IL1RAPL1: variants seen among roughly 807,000 people sequenced by gnomAD.
The protein encoded by IL1RAPL1 is interleukin 1 receptor accessory protein like 1.
IL1RAPL1 carries 3 observed loss-of-function variants against 48.4 expected under a neutral mutation model. The observed-to-expected ratio is 0.06, with a 90% confidence interval of 0.03 to 0.16. IL1RAPL1 has a LOEUF of 0.16. Among genes scored for constraint, IL1RAPL1 ranks in the 10% least tolerant of loss-of-function variants. IL1RAPL1 has a pLI of 1.00. For synonymous variants in IL1RAPL1, 185 were observed against 187.7 expected (o/e 0.99, Z 0.12); for missense variants, 349 against 530.6 (o/e 0.66, Z 3.36).
intron 2 of IL1RAPL1, among the ~76,000 whole-genome samples, chrX:29,030,694 T>C (rs1211860493): frequency 9.0e-6 from 1 of 111,517 alleles, no homozygotes; most frequent in African/African-American, 3.3e-5. Context: ...AATAAAGGGC[T>C]TTGGCAAAGA....
chrX:29,832,847 G>A (rs756213376), intron 6 of IL1RAPL1, among the ~76,000 whole-genome samples: 1 of 109,219 alleles, frequency 9.2e-6, no homozygotes, highest in South Asian at 4.0e-4. Context: ...AATATCTGTT[G>A]GCTTTGATGT....
At chrX:29,076,929 A>T (rs888482939) in intron 2 of IL1RAPL1, among the ~76,000 whole-genome samples, 5 of 111,861 alleles carry the variant, frequency 4.5e-5, no homozygotes, top group African/African-American at 9.8e-5. Context: ...GATTTGGAAA[A>T]ACTTCATGGA....
At chrX:29,009,148 G>T (rs752818383) in intron 2 of IL1RAPL1, among the ~76,000 whole-genome samples, 2 of 111,949 alleles carry the variant, frequency 1.8e-5, no homozygotes, top group Non-Finnish European at 3.8e-5. Flanking sequence ...CTAAACATTG[G>T]GTACACATAG....
intron 6 of IL1RAPL1, among the ~76,000 whole-genome samples, chrX:29,742,687 C>T (rs1216645039): frequency 9.0e-6 from 1 of 111,601 alleles, no homozygotes; most frequent in Non-Finnish European, 1.9e-5. Flanking sequence ...ACCAATGAAA[C>T]ATACGGGTTG....
chrX:29,449,738 TACACACACACACACACAC>T (rs539577442), intron 5 of IL1RAPL1, among the ~76,000 whole-genome samples: 1 of 63,924 alleles, frequency 1.6e-5, no homozygotes, highest in African/African-American at 6.2e-5. Context: ...TACATATGCA[TACACACACACACACACAC>T]ACACACACAC....
chrX:29,077,189 C>T (rs1927696588), intron 2 of IL1RAPL1, among the ~76,000 whole-genome samples: 1 of 112,302 alleles, frequency 8.9e-6, no homozygotes, highest in Non-Finnish European at 1.9e-5. Flanking sequence ...CGATTTTGGG[C>T]AGTTACACAA....
intron 1 of IL1RAPL1, among the ~76,000 whole-genome samples, chrX:28,607,482 G>A (rs1333952740): frequency 9.0e-6 from 1 of 110,675 alleles, no homozygotes; most frequent in African/African-American, 3.3e-5. Context: ...GGATGGTCAG[G>A]TAGTCACCAC....
At chrX:29,080,323 G>A (rs1443000246) in intron 2 of IL1RAPL1, among the ~76,000 whole-genome samples, 1 of 110,023 alleles carries the variant, frequency 9.1e-6, no homozygotes. Flanking sequence ...AGGTTGCAGT[G>A]AGCCGTATTT....
intron 1 of IL1RAPL1, among the ~76,000 whole-genome samples, chrX:28,597,894 C>T (rs1437636239): frequency 9.3e-6 from 1 of 107,888 alleles, no homozygotes; most frequent in Non-Finnish European, 1.9e-5. Flanking sequence ...AGAAAGTTGC[C>T]ACACACTGTA....
At chrX:29,580,355 A>G (rs766915037) in intron 5 of IL1RAPL1, among the ~76,000 whole-genome samples, 12 of 111,333 alleles carry the variant, frequency 1.1e-4, no homozygotes, top group Non-Finnish European at 1.9e-4. Flanking sequence ...CACTAACTTG[A>G]ATACATTTTA....
At chrX:29,678,660 G>T (rs1340641367) in intron 6 of IL1RAPL1, among the ~76,000 whole-genome samples, 1 of 109,384 alleles carries the variant, frequency 9.1e-6, no homozygotes, top group Admixed American at 9.8e-5. Flanking sequence ...GAGCCACCGC[G>T]CCCGGCCAAC....
chrX:28,995,043 T>G (rs1483394947), intron 2 of IL1RAPL1, among the ~76,000 whole-genome samples: 1 of 111,314 alleles, frequency 9.0e-6, no homozygotes, highest in East Asian at 2.8e-4. Context: ...GGGAATTGAC[T>G]ACTAAACACT....
intron 2 of IL1RAPL1, among the ~76,000 whole-genome samples, chrX:28,959,544 ATTAT>A (rs1289740476): frequency 8.9e-6 from 1 of 111,822 alleles, no homozygotes; most frequent in Non-Finnish European, 1.9e-5. Flanking sequence ...ATAATTCCAA[ATTAT>A]TTAGCAATTC....
intron 6 of IL1RAPL1, among the ~76,000 whole-genome samples, chrX:29,697,561 C>T (rs1162615411): frequency 9.0e-6 from 1 of 111,180 alleles, no homozygotes; most frequent in African/African-American, 3.3e-5. Flanking sequence ...AAAGTTGGTC[C>T]AATAAAATGA....
At chrX:28,598,319 T>C (rs1933979973) in intron 1 of IL1RAPL1, among the ~76,000 whole-genome samples, 2 of 112,009 alleles carry the variant, frequency 1.8e-5, no homozygotes, top group African/African-American at 6.5e-5. Context: ...TTAAATTATT[T>C]TTCTTATCAA....
At chrX:28,869,259 A>C (rs1355097473) in intron 2 of IL1RAPL1, among the ~76,000 whole-genome samples, 1 of 112,438 alleles carries the variant, frequency 8.9e-6, no homozygotes, top group Non-Finnish European at 1.9e-5. Flanking sequence ...AATCGGCCTC[A>C]CTGCCATCAT....
At chrX:28,680,102 T>G (rs1033970489) in intron 1 of IL1RAPL1, among the ~76,000 whole-genome samples, 6 of 111,923 alleles carry the variant, frequency 5.4e-5, no homozygotes, top group Non-Finnish European at 7.5e-5. Flanking sequence ...ACACAGGACA[T>G]CATTTCTTTC....
chrX:29,647,083 C>T (rs1361926129), intron 5 of IL1RAPL1, among the ~76,000 whole-genome samples: 8 of 112,593 alleles, frequency 7.1e-5, no homozygotes, highest in Non-Finnish European at 1.3e-4. Flanking sequence ...AGCGTGGTGG[C>T]TCACACCTGT....
At chrX:28,831,365 T>C (rs1921051507) in intron 2 of IL1RAPL1, among the ~76,000 whole-genome samples, 1 of 107,849 alleles carries the variant, frequency 9.3e-6, no homozygotes, top group African/African-American at 3.4e-5. Flanking sequence ...GGCTAAATAA[T>C]TGAGACTGAT....
Sources: gnomAD v4.1 joint callset for allele counts (sites outside exome capture counted in the v4.1 genomes callset) on GRCh38, gnomAD v4.1.1 for gene constraint, MANE v1.5 for transcripts, NCBI Gene and HGNC (gene_info 2026-07-23, HGNC 2026-07-21) for gene names.